RB1: variants seen among roughly 807,000 people sequenced by gnomAD.
RB1 encodes the protein RB transcriptional corepressor 1.
Under a neutral mutation model 135.4 loss-of-function variants are expected in RB1, and 18 were observed. That is an observed-to-expected ratio of 0.13 (90% confidence interval 0.09 to 0.20). The LOEUF (loss-of-function observed/expected upper bound fraction) is 0.20. Ranked by LOEUF, RB1 falls within the 10% of genes least tolerant of loss-of-function variation. The pLI is 1.00. For missense variants in RB1, 868 were observed against 1,110.0 expected (o/e 0.78, Z 3.10); for synonymous variants, 365 against 373.2 (o/e 0.98, Z 0.25).
intron 17 of RB1, among the ~76,000 whole-genome samples, chr13:48,437,962 G>A (rs563701176): frequency 2.0e-5 from 3 of 152,102 alleles, no homozygotes; most frequent in Non-Finnish European, 4.4e-5. Context: ...TTTCTTGTTT[G>A]TGCTTTGCTG....
intron 2 of RB1, among the ~76,000 whole-genome samples, chr13:48,327,724 G>T (rs992854860): frequency 8.5e-5 from 13 of 152,152 alleles, no homozygotes; most frequent in African/African-American, 3.1e-4. Context: ...GAGAGTAACT[G>T]CTTGCAGTTT....
At chr13:48,420,850 A>T (rs1948994576) in intron 17 of RB1, among the ~76,000 whole-genome samples, 1 of 151,782 alleles carries the variant, frequency 6.6e-6, no homozygotes, top group Admixed American at 6.6e-5. Context: ...GGACATCTTC[A>T]AGAACTACAA....
chr13:48,368,465 G>T (rs2138122863), intron 10 of RB1, 62 bp from the exon 11 acceptor site: 1 of 1,598,032 alleles, frequency 6.3e-7, no homozygotes, highest in Non-Finnish European at 8.5e-7. Flanking sequence ...CTGCTTTTTT[G>T]ATGCATAAAG....
chr13:48,378,147 G>A (rs1952845906), intron 13 of RB1, among the ~76,000 whole-genome samples: 1 of 152,016 alleles, frequency 6.6e-6, no homozygotes, highest in Admixed American at 6.6e-5. Flanking sequence ...CTACACTTAG[G>A]CTAAACTAAT....
At chr13:48,436,843 A>G (rs1277025036) in intron 17 of RB1, among the ~76,000 whole-genome samples, 1 of 152,234 alleles carries the variant, frequency 6.6e-6, no homozygotes, top group Admixed American at 6.5e-5. Context: ...AGGGTGGCAC[A>G]AAAACATTTC....
At chr13:48,417,598 A>G (rs1367564817) in intron 17 of RB1, among the ~76,000 whole-genome samples, 1 of 152,196 alleles carries the variant, frequency 6.6e-6, no homozygotes, top group African/African-American at 2.4e-5. Context: ...AAGCCAAAGG[A>G]CCATGTTCTA....
intron 20 of RB1, 128 bp from the exon 21 acceptor site, chr13:48,463,603 G>T (rs1949418587): frequency 1.5e-6 from 1 of 671,348 alleles, no homozygotes; most frequent in South Asian, 1.8e-5. Context: ...ACTGAGCTCA[G>T]TATGGAAAGA....
At chr13:48,431,562 CT>C (rs942384883) in intron 17 of RB1, among the ~76,000 whole-genome samples, 1 of 151,962 alleles carries the variant, frequency 6.6e-6, no homozygotes, top group Admixed American at 6.6e-5. Flanking sequence ...TCTGTGGTTA[CT>C]TTTTTTTATT....
intron 7 of RB1, 159 bp downstream of exon 7, chr13:48,360,286 A>G: frequency 2.1e-6 from 3 of 1,422,116 alleles, no homozygotes; most frequent in Admixed American, 2.5e-5. Context: ...AAGGAAAGAT[A>G]AGACATGGAA....
chr13:48,410,734 G>A (rs1222514550), intron 17 of RB1, among the ~76,000 whole-genome samples: 2 of 152,018 alleles, frequency 1.3e-5, no homozygotes, highest in Non-Finnish European at 2.9e-5. Context: ...AATCAAAATA[G>A]TAACTTCAAA....
In RB1 at chr13:48,319,290, C is replaced by T. The variant is rs1952213759; in HGVS notation, c.264+11884C>T. On this transcript the variant is annotated intron_variant, in intron 2 of 26. Coordinates refer to ENST00000267163, the MANE Select transcript of RB1 (RefSeq NM_000321.3). The surrounding 1 kb of genome is among the most constrained non-coding windows in gnomAD (Gnocchi z 5.0). The stretch of plus-strand genomic sequence containing the variant: ...TGCTTGTGCTGTGTGCGGGGTCAGG[C>T]GTCCTCTCTCCTCCCGGCGCTGGGC... 4 of 712,318 alleles carry T rather than the reference C, an allele frequency of 5.6e-6. No individual in the cohort carries two copies. Among genetic ancestry groups the T allele is most frequent in the Non-Finnish European group, 8.9e-6 (4 of 449,482 alleles). 44.1% of individuals were successfully genotyped at this position (712,318 alleles called of 1,614,324 possible).
intron 2 of RB1, chr13:48,318,359 C>T (rs545962649): frequency 5.5e-5 from 80 of 1,445,514 alleles, no homozygotes; most frequent in Non-Finnish European, 6.3e-5. Context: ...GTTCCCTGCA[C>T]CTCTTCTTGA....
In RB1 at chr13:48,380,198, T is replaced by C. The variant is rs1399128070; in HGVS notation, c.1455T>C (p.Ser485=). 2 of 1,605,670 alleles carry C rather than the reference T, an allele frequency of 1.2e-6. No individual in the cohort carries two copies. Among genetic ancestry groups the C allele is most frequent in the East Asian group, 4.5e-5 (2 of 44,644 alleles). Residue 485 remains serine (S), a synonymous_variant, in exon 16 of 27, where the codon TCT becomes TCC. Transcript: ENST00000267163. ...TGAATGACAACATTTTTCATATGTC[T>C]TTATTGGCGTGCGCTCTTGAGGTTG... ...KLLNDNIFHM[S]LLACALEVVM... is the part of the protein sequence containing the mutation.
In RB1 at chr13:48,465,028, G is replaced by A. The variant is rs121913297; in HGVS notation, c.2242G>A (p.Glu748Lys). ...TFKRVLIKEE[E>K]YDSIIVFYNS... is the part of the protein sequence containing the mutation. ...CAAACGTGTTTTGATCAAAGAAGAG[G>A]AGTATGATTCTATTATAGTATTCTA... The change falls in exon 22 of 27, where the codon GAG becomes AAG. Residue 748 changes from glutamate to lysine, a missense_variant. Around this residue, in one of 3 missense-constraint regions of RB1, gnomAD observed 196 missense variants for 239.8 expected, o/e 0.82. Coordinates refer to ENST00000267163, the MANE Select transcript of RB1 (RefSeq NM_000321.3). 1.9e-6 allele frequency: 3 copies of A among 1,599,774 alleles called. No homozygotes were observed. The highest frequency in any genetic ancestry group is 2.6e-6 in the Non-Finnish European group (3 of 1,173,756).
At chr13:48,418,047 C>T (rs988913431) in intron 17 of RB1, among the ~76,000 whole-genome samples, 1 of 152,106 alleles carries the variant, frequency 6.6e-6, no homozygotes, top group Non-Finnish European at 1.5e-5. Flanking sequence ...AAAGATACTC[C>T]TCAAGAAGAG....
intron 17 of RB1, among the ~76,000 whole-genome samples, chr13:48,438,851 G>A (rs1949208850): frequency 6.6e-6 from 1 of 152,128 alleles, no homozygotes; most frequent in African/African-American, 2.4e-5. Flanking sequence ...CTTATCATGT[G>A]CCATGTATCA....
intron 17 of RB1, among the ~76,000 whole-genome samples, chr13:48,446,312 G>A (rs1478055025): frequency 6.6e-6 from 1 of 152,046 alleles, no homozygotes; most frequent in Non-Finnish European, 1.5e-5. Context: ...AAAACTTTGA[G>A]ATTAAGTTAT....
In RB1 at chr13:48,303,828, G is replaced by C. The variant is rs1014258510; in HGVS notation, c.-85G>C. 21 of 1,477,704 alleles carry C rather than the reference G, an allele frequency of 1.4e-5. No homozygotes were observed. In the South Asian group the frequency reaches 2.7e-4, roughly 19 times the overall value. The allele number at this position is 1,477,704 out of a possible 1,614,324, so 91.5% of individuals were successfully genotyped here. A position where few individuals can be genotyped will look rare whatever the true frequency, so the allele number is the denominator to read the frequency against. On this transcript the variant is annotated 5_prime_UTR_variant, in exon 1 of 27. Transcript: ENST00000267163. Reference sequence around the variant, plus strand: ...TATTTTTGTAACGGGAGTCGGGAGAGGACGGGGCGTGCCCCGACGTGCGCG... The same window carrying C: ...TATTTTTGTAACGGGAGTCGGGAGACGACGGGGCGTGCCCCGACGTGCGCG...
chr13:48,356,030 T>C (rs1272060004), intron 6 of RB1, among the ~76,000 whole-genome samples: 2 of 152,070 alleles, frequency 1.3e-5, no homozygotes, highest in African/African-American at 4.8e-5. Flanking sequence ...AATAATACCT[T>C]AATTGTACAT....
Sources: gnomAD v4.1 joint callset for allele counts (sites outside exome capture counted in the v4.1 genomes callset) on GRCh38, gnomAD v4.1.1 for gene constraint, gnomAD v4.1.1 regional missense constraint, Gnocchi (gnomAD v3.1) non-coding constraint, MANE v1.5 for transcripts, NCBI Gene and HGNC (gene_info 2026-07-23, HGNC 2026-07-21) for gene names.